Variants in DYNC1H1 observed in about 807,000 individuals in gnomAD.
DYNC1H1 encodes dynein cytoplasmic 1 heavy chain 1.
DYNC1H1 carries 51 observed loss-of-function variants against 527.1 expected under a neutral mutation model. That is an observed-to-expected ratio of 0.10 (90% CI 0.08 to 0.12). The LOEUF is 0.12. DYNC1H1 is among the 10% of genes least tolerant of loss of function. The probability of loss-of-function intolerance (pLI) is 1.00; values close to 1 mark genes in which losing one functional copy is unlikely to be tolerated. For missense variants in DYNC1H1, 2,771 were observed against 5,971.8 expected, an observed-to-expected ratio of 0.46 and a Z score of 17.66; for synonymous variants, 2,189 against 2,278.8, an observed-to-expected ratio of 0.96 and a Z score of 1.12.
rs767476388 is a variant in DYNC1H1, at chr14:102,025,267, C to T, written c.8638-1307C>T. 4.6e-5 allele frequency among the ~76,000 whole-genome samples: 7 copies of T among 151,892 alleles called. No individual in the cohort carries two copies. The East Asian group carries it at 1.2e-3, about 25-fold the overall frequency. On this transcript the variant is annotated intron_variant, in intron 43 of 77. Coordinates refer to ENST00000360184, the MANE Select transcript of DYNC1H1 (RefSeq NM_001376.5). ...TAAAAATACAAAAATTAGCCGGGTG[C>T]GGTACTGCATGCCTGTAATCTCAGC... is the stretch of plus-strand genomic sequence containing the variant.
intron 56 of DYNC1H1, chr14:102,034,712 T>C: frequency 1.7e-6 from 1 of 579,656 alleles, no homozygotes; most frequent in Non-Finnish European, 3.0e-6. Context: ...TCACGTGAGG[T>C]CAGGAGTTTG....
At position 102,002,814 on chromosome 14, in the gene DYNC1H1, C is replaced by T. The variant is rs143297786; in HGVS notation, c.4732C>T (p.Leu1578=). The T allele has an allele frequency of 7.4e-6, 12 of 1,614,066 alleles. No homozygotes were observed. The African/African-American group carries it at 1.6e-4, about 22-fold the overall frequency. The change falls in exon 23 of 78, where the codon CTA becomes TTA. Residue 1578 remains leucine, a synonymous_variant. Coordinates refer to ENST00000360184, the MANE Select transcript of DYNC1H1 (RefSeq NM_001376.5). This position sits in a 1 kb window ranked among gnomAD's most constrained non-coding sequence, Gnocchi z 4.4. ...TAGCATCAGCACTGAGTTTTTGGCT[C>T]TAATGAAAAAAGTGTCCAAGTCTCC... ...FQSISTEFLA[L]MKKVSKSPLV... is the part of the protein sequence containing the mutation.
In DYNC1H1 at chr14:102,018,336, G is replaced by A. The variant is rs1216861884; in HGVS notation, c.8178-115G>A. The A allele has an allele frequency of 2.1e-5, 30 of 1,445,116 alleles. No individual in the cohort carries two copies. Among genetic ancestry groups the A allele is most frequent in the Non-Finnish European group, 2.6e-5 (28 of 1,068,744 alleles). The allele number at this position is 1,445,116 out of a possible 1,614,324, so 89.5% of individuals were successfully genotyped here. On this transcript the variant is annotated intron_variant, in intron 40 of 77. Coordinates refer to ENST00000360184, the MANE Select transcript of DYNC1H1 (RefSeq NM_001376.5). This position sits in a 1 kb window ranked among gnomAD's most constrained non-coding sequence, Gnocchi z 5.2. ...ACACTGATGTCAAGTCTGCATAGCT[G>A]GGTTAGGAAGCGACCTCCAGACAGG...
At chr14:102,031,083 A>C (rs1233861382) in intron 51 of DYNC1H1, among the ~76,000 whole-genome samples, 1 of 152,252 alleles carries the variant, frequency 6.6e-6, no homozygotes, top group South Asian at 2.1e-4. Context: ...GATGAATTCA[A>C]ATGCACCACT....
intron 1 of DYNC1H1, among the ~76,000 whole-genome samples, chr14:101,968,682 C>T (rs1360462279): frequency 6.6e-6 from 1 of 151,998 alleles, no homozygotes; most frequent in Non-Finnish European, 1.5e-5. Context: ...CCATCTCAGC[C>T]TCCTGAGTAG....
At position 101,964,836 on chromosome 14, in the gene DYNC1H1, C is replaced by T. The variant is rs1402375700; in HGVS notation, c.145C>T (p.Pro49Ser). The T allele has an allele frequency of 3.1e-6, 5 of 1,600,302 alleles. No homozygotes were observed. Among genetic ancestry groups the T allele is most frequent in the Non-Finnish European group, 4.3e-6 (5 of 1,174,512 alleles). Residue 49 changes from proline (P) to serine (S), a missense_variant, in exon 1 of 78, where the codon CCG becomes TCG. By Grantham distance (74) the Pro-to-Ser change is moderately conservative (BLOSUM62 -1). This residue lies in a region of DYNC1H1 where 101 missense variants were observed against 105.3 expected (regional missense o/e 0.96). Coordinates refer to ENST00000360184, the MANE Select transcript of DYNC1H1 (RefSeq NM_001376.5). The surrounding 1 kb of genome is among the most constrained non-coding windows in gnomAD (Gnocchi z 5.5). ...PLLLEDGGEAPAALEAALEEK... is the reference protein window; with the variant it reads ...PLLLEDGGEASAALEAALEEK... ...GCTGCTGGAGGACGGCGGCGAGGCG[C>T]CGGCCGCGCTGGAGGCGGCGCTGGA...
In DYNC1H1 at chr14:102,012,325, G is replaced by A; in HGVS notation, c.6869G>A (p.Ser2290Asn). The change falls in exon 34 of 78, where the codon AGC (serine) becomes AAC (asparagine). Residue 2290 changes from serine to asparagine, a missense_variant. Physicochemically the swap from Ser to Asn is conservative, Grantham distance 46. Around this residue, in one of 32 missense-constraint regions of DYNC1H1, gnomAD observed 56 missense variants for 183.8 expected, o/e 0.30. Transcript: ENST00000360184. This position sits in a 1 kb window ranked among gnomAD's most constrained non-coding sequence, Gnocchi z 4.9. ...TCCTTCCCAACCAGGATCATCGACA[G>A]CGTGAGAGGCGAGCTGCAGAAGCGC... ...FTHVLRKIID[S>N]VRGELQKRQW... The A allele has an allele frequency of 6.2e-7, 1 of 1,614,218 alleles. No homozygotes were observed. Among genetic ancestry groups the A allele is most frequent in the Non-Finnish European group, 8.5e-7 (1 of 1,180,040 alleles).
chr14:102,000,534 C>A, intron 18 of DYNC1H1, 135 bp downstream of exon 18: 88 of 691,328 alleles, frequency 1.3e-4, no homozygotes, highest in Non-Finnish European at 1.9e-4. Flanking sequence ...ATGTCATTTA[C>A]ATTATTCGTC....
At position 102,010,586 on chromosome 14, in the gene DYNC1H1, T is replaced by C. The variant is rs966347602; in HGVS notation, c.6405+127T>C. The C allele has an allele frequency of 1.3e-6, 2 of 1,501,718 alleles. No homozygotes were observed. The highest frequency in any genetic ancestry group is 2.8e-5 in the African/African-American group (2 of 71,920). 93.0% of individuals were successfully genotyped at this position (1,501,718 alleles called of 1,614,324 possible). A position where few individuals can be genotyped will look rare whatever the true frequency, so the allele number is the denominator to read the frequency against. On this transcript the variant is annotated intron_variant, in intron 31 of 77. Transcript: ENST00000360184. This position sits in a 1 kb window ranked among gnomAD's most constrained non-coding sequence, Gnocchi z 6.0. Reference sequence around the variant, plus strand: ...GTCTTGGGATGGCTGAAATAGACTGTAATGTTGACCCAGTGAGTCGAGTGC... The same window carrying C: ...GTCTTGGGATGGCTGAAATAGACTGCAATGTTGACCCAGTGAGTCGAGTGC...
chr14:101,964,592 G>A lies in DYNC1H1; in HGVS notation c.-100G>A, dbSNP rs1346390242. 2 of 1,525,880 alleles carry A rather than the reference G, an allele frequency of 1.3e-6. No homozygotes were observed. Among genetic ancestry groups the A allele is most frequent in the Non-Finnish European group, 1.8e-6 (2 of 1,141,692 alleles). The allele number at this position is 1,525,880 out of a possible 1,614,324, so 94.5% of individuals were successfully genotyped here. On this transcript the variant is annotated 5_prime_UTR_variant, in exon 1 of 78. Coordinates refer to ENST00000360184, the MANE Select transcript of DYNC1H1 (RefSeq NM_001376.5). This position sits in a 1 kb window ranked among gnomAD's most constrained non-coding sequence, Gnocchi z 5.5. ...CTCCTCAGTCTGCGGTGGGCTAGCG[G>A]ACGGTCCGGCTTCCGGCGGCCGTTT...
chr14:101,980,623 A>AAATGAAAACTAT, intron 5 of DYNC1H1, 73 bp downstream of exon 5: 1 of 1,538,478 alleles, frequency 6.5e-7, no homozygotes. Context: ...TTGATAATTT[A>AAATGAAAACTAT]AATGAAAACT....
intron 42 of DYNC1H1, among the ~76,000 whole-genome samples, chr14:102,021,400 T>A (rs1008696805): frequency 6.6e-6 from 1 of 152,142 alleles, no homozygotes; most frequent in Non-Finnish European, 1.5e-5. Context: ...TTCACAGATT[T>A]CTAGTACCAC....
In DYNC1H1 at chr14:102,010,623, C is replaced by T; in HGVS notation, c.6406-117C>T. ...AGTGAGTCGAGTGCACGAATGTGGGCGAGTGGTGCTCGCACCCTTTGTTCA... is the reference window on the plus strand; with the variant it reads ...AGTGAGTCGAGTGCACGAATGTGGGTGAGTGGTGCTCGCACCCTTTGTTCA... On this transcript the variant is annotated intron_variant, in intron 31 of 77. Coordinates refer to ENST00000360184, the MANE Select transcript of DYNC1H1 (RefSeq NM_001376.5). This position sits in a 1 kb window ranked among gnomAD's most constrained non-coding sequence, Gnocchi z 6.0. 3.3e-6 allele frequency: 5 copies of T among 1,503,192 alleles called. No homozygotes were observed. The highest frequency in any genetic ancestry group is 1.4e-5 in the African/African-American group (1 of 72,350). The allele number at this position is 1,503,192 out of a possible 1,614,324, so 93.1% of individuals were successfully genotyped here. A position where few individuals can be genotyped will look rare whatever the true frequency, so the allele number is the denominator to read the frequency against.
rs552555144 is a variant in DYNC1H1, at chr14:102,049,974, C to T, written c.13684+92C>T. On this transcript the variant is annotated intron_variant, in intron 76 of 77. Transcript: ENST00000360184. This position sits in a 1 kb window ranked among gnomAD's most constrained non-coding sequence, Gnocchi z 5.5. ...CCCAGATACATGCACTTAGGGTGAC[C>T]GGCTGGCAGTTGGGTGGAGCCTCTG... 1.7e-5 allele frequency: 25 copies of T among 1,479,872 alleles called. No individual in the cohort carries two copies. The Admixed American group carries it at 2.2e-4, about 13-fold the overall frequency. The allele number at this position is 1,479,872 out of a possible 1,614,324, so 91.7% of individuals were successfully genotyped here. A position where few individuals can be genotyped will look rare whatever the true frequency, so the allele number is the denominator to read the frequency against.
chr14:101,984,447 TA>T lies in DYNC1H1; in HGVS notation c.1461+839del, dbSNP rs1443138991. Among the ~76,000 whole-genome samples, 614 of 116,764 alleles carry T rather than the reference TA, an allele frequency of 5.3e-3. 24 individuals are homozygous for T. The highest frequency in any genetic ancestry group is 0.021 in the African/African-American group (464 of 22,266). The allele number at this position is 116,764 out of a possible 152,430, so 76.6% of individuals were successfully genotyped here. On this transcript the variant is annotated intron_variant, in intron 7 of 77. Transcript: ENST00000360184. Reference sequence around the variant, plus strand: ...TGTGTGTGTGTATATATATATATATTATATTTTTTTTTTTTTTTTTTTTTTG... The same window carrying T: ...TGTGTGTGTGTATATATATATATATTTATTTTTTTTTTTTTTTTTTTTTTG...
intron 72 of DYNC1H1, chr14:102,045,161 A>G (rs2152598245): frequency 4.4e-6 from 1 of 226,610 alleles, no homozygotes; most frequent in East Asian, 1.1e-4. Flanking sequence ...AAATTAGGTG[A>G]GCATGGTGGC....
chr14:102,028,216 A>C, intron 48 of DYNC1H1, 75 bp downstream of exon 48: 1 of 1,559,940 alleles, frequency 6.4e-7, no homozygotes, highest in Non-Finnish European at 8.8e-7. Context: ...AATTGCTATA[A>C]AAATAGACCT....
rs1567022026 is a variant in DYNC1H1, at chr14:102,040,916, C to G, written c.11941+243C>G. ...CGAGGTTGTGTGAGCTGTGATTGCA[C>G]CACTGCACTCCAGCCTGGGCAGCAG... On this transcript the variant is annotated intron_variant, in intron 64 of 77. Coordinates refer to ENST00000360184, the MANE Select transcript of DYNC1H1 (RefSeq NM_001376.5). The G allele has an allele frequency of 5.3e-6, 3 of 563,388 alleles. No individual in the cohort carries two copies. In the Admixed American group the frequency reaches 8.5e-5, roughly 16 times the overall value. The allele number at this position is 563,388 out of a possible 1,614,324, so 34.9% of individuals were successfully genotyped here.
intron 72 of DYNC1H1, among the ~76,000 whole-genome samples, chr14:102,046,256 C>G (rs983410267): frequency 3.3e-5 from 5 of 152,120 alleles, no homozygotes; most frequent in African/African-American, 9.7e-5. Context: ...CTGGCCTTCA[C>G]AAAGCCTCCA....
Sources: gnomAD v4.1 joint callset for allele counts (sites outside exome capture counted in the v4.1 genomes callset) on GRCh38, gnomAD v4.1.1 for gene constraint, gnomAD v4.1.1 regional missense constraint, Gnocchi (gnomAD v3.1) non-coding constraint, MANE v1.5 for transcripts, NCBI Gene and HGNC (gene_info 2026-07-23, HGNC 2026-07-21) for gene names.